Variants in ENPP3 observed in about 807,000 individuals in gnomAD.
ENPP3 encodes the protein ectonucleotide pyrophosphatase/phosphodiesterase family member 3.
Under a neutral mutation model 117.8 loss-of-function variants are expected in ENPP3, and 104 were observed. That is an observed-to-expected ratio of 0.88 (90% CI 0.75 to 1.04). ENPP3 has a LOEUF of 1.04. ENPP3 is among the 50% of genes least tolerant of loss of function. The probability of loss-of-function intolerance (pLI) is 0.00; values close to 1 mark genes in which losing one functional copy is unlikely to be tolerated. For missense variants in ENPP3, 1,026 were observed against 1,051.9 expected (o/e 0.98, Z 0.34); for synonymous variants, 380 against 349.9 (o/e 1.09, Z -0.96).
At chr6:131,672,099 C>T (rs1778755961) in intron 7 of ENPP3, among the ~76,000 whole-genome samples, 1 of 152,110 alleles carries the variant, frequency 6.6e-6, no homozygotes, top group Non-Finnish European at 1.5e-5. Flanking sequence ...TTATTTGTAA[C>T]CCCCAAATCA....
chr6:131,654,229 G>A (rs1031673604), intron 5 of ENPP3, among the ~76,000 whole-genome samples: 1 of 151,782 alleles, frequency 6.6e-6, no homozygotes, highest in African/African-American at 2.4e-5. Context: ...AAATTCCTGG[G>A]CTCAAGCTAT....
chr6:131,732,761 G>T (rs996397760), intron 20 of ENPP3, among the ~76,000 whole-genome samples: 1 of 139,250 alleles, frequency 7.2e-6, no homozygotes, highest in African/African-American at 2.7e-5. Flanking sequence ...TTTTCAGATG[G>T]AGTCTCACTC....
chr6:131,686,058 A>C, intron 14 of ENPP3, 151 bp downstream of exon 14: 5 of 461,472 alleles, frequency 1.1e-5, no homozygotes, highest in Non-Finnish European at 2.0e-5. Flanking sequence ...TATGCATATT[A>C]GTTGCTTTTA....
chr6:131,739,443 GAAT>G (rs1780475986), intron 23 of ENPP3, among the ~76,000 whole-genome samples: 3 of 152,240 alleles, frequency 2.0e-5, no homozygotes, highest in South Asian at 4.1e-4. Flanking sequence ...ATTAGAGGGT[GAAT>G]GAAAGTCCAA....
intron 19 of ENPP3, among the ~76,000 whole-genome samples, chr6:131,724,744 G>A (rs1343159539): frequency 6.6e-6 from 1 of 152,152 alleles, no homozygotes; most frequent in East Asian, 1.9e-4. Context: ...AATCTGCCAA[G>A]TGTTATTCCA....
chr6:131,741,417 A>G (rs1483659726), intron 24 of ENPP3, among the ~76,000 whole-genome samples: 1 of 152,208 alleles, frequency 6.6e-6, no homozygotes, highest in Non-Finnish European at 1.5e-5. Context: ...AAGAGGTTGC[A>G]AAGTTGGGAT....
At chr6:131,722,610 T>C (rs1780060728) in intron 18 of ENPP3, among the ~76,000 whole-genome samples, 1 of 152,204 alleles carries the variant, frequency 6.6e-6, no homozygotes, top group African/African-American at 2.4e-5. Context: ...AAATATGCTT[T>C]ATAAACTGGA....
chr6:131,716,612 C>G (rs1779892839), intron 15 of ENPP3, among the ~76,000 whole-genome samples: 1 of 148,270 alleles, frequency 6.7e-6, no homozygotes, highest in African/African-American at 2.5e-5. Context: ...CTAAATAATT[C>G]CATTAATATT....
intron 2 of ENPP3, among the ~76,000 whole-genome samples, chr6:131,647,714 A>T (rs1207419411): frequency 6.6e-6 from 1 of 152,192 alleles, no homozygotes; most frequent in African/African-American, 2.4e-5. Context: ...TTTCTAAAAG[A>T]TAAATTTTTT....
At chr6:131,739,593 C>CTTTTTTT (rs71270397) in intron 23 of ENPP3, among the ~76,000 whole-genome samples, 33 of 87,464 alleles carry the variant, frequency 3.8e-4, no homozygotes, top group African/African-American at 5.8e-4. Context: ...TCATGCTCTG[C>CTTTTTTT]TTTTTTTTTT....
At chr6:131,724,938 G>A (rs937082674) in intron 19 of ENPP3, among the ~76,000 whole-genome samples, 1 of 151,812 alleles carries the variant, frequency 6.6e-6, no homozygotes, top group African/African-American at 2.4e-5. Flanking sequence ...GCAGGGCATG[G>A]TGGCTCACAC....
At chr6:131,668,206 GTTTTTTTT>G (rs557047103) in intron 6 of ENPP3, among the ~76,000 whole-genome samples, 2 of 69,910 alleles carry the variant, frequency 2.9e-5, no homozygotes, top group East Asian at 5.2e-4. Context: ...CTCGCTCTGC[GTTTTTTTT>G]TTTTTTTTTT....
At chr6:131,645,520 T>C (rs1778136610) in intron 2 of ENPP3, among the ~76,000 whole-genome samples, 1 of 152,224 alleles carries the variant, frequency 6.6e-6, no homozygotes, top group African/African-American at 2.4e-5. Context: ...GATCCCATGA[T>C]TTTAAAATCT....
chr6:131,639,952 C>A (rs1034321546), intron 1 of ENPP3, among the ~76,000 whole-genome samples: 1 of 151,968 alleles, frequency 6.6e-6, no homozygotes, highest in African/African-American at 2.4e-5. Context: ...CATAGTGAGA[C>A]CTCCAACTCT....
At chr6:131,649,425 C>T (rs534640189) in intron 2 of ENPP3, among the ~76,000 whole-genome samples, 3 of 152,172 alleles carry the variant, frequency 2.0e-5, no homozygotes, top group Admixed American at 1.3e-4. Flanking sequence ...TCCAAACATG[C>T]CTTCCTTAGC....
intron 15 of ENPP3, among the ~76,000 whole-genome samples, chr6:131,694,416 G>A (rs1281585372): frequency 6.6e-6 from 1 of 152,050 alleles, no homozygotes; most frequent in African/African-American, 2.4e-5. Context: ...TCCTATTTTT[G>A]TATTTCATAC....
At chr6:131,703,767 GCTT>G (rs937511297) in intron 15 of ENPP3, among the ~76,000 whole-genome samples, 50 of 151,782 alleles carry the variant, frequency 3.3e-4, no homozygotes, top group African/African-American at 1.2e-3. Context: ...GAAGGATCTT[GCTT>G]CTTCAAGTGC....
At chr6:131,641,798 G>GGTTTTTTTTTTTTTTTTTTTTTTT (rs1778048065) in intron 2 of ENPP3, among the ~76,000 whole-genome samples, 1 of 88,384 alleles carries the variant, frequency 1.1e-5, no homozygotes, top group Non-Finnish European at 2.1e-5. Context: ...TCTCCACCCT[G>GGTTTTTTTTTTTTTTTTTTTTTTT]GTTTTTTTTT....
At chr6:131,658,808 A>C (rs1158124651) in intron 6 of ENPP3, among the ~76,000 whole-genome samples, 4 of 152,202 alleles carry the variant, frequency 2.6e-5, no homozygotes, top group Non-Finnish European at 4.4e-5. Context: ...AGACAGATCC[A>C]GCACCTCCCA....
Sources: gnomAD v4.1 joint callset for allele counts (sites outside exome capture counted in the v4.1 genomes callset) on GRCh38, gnomAD v4.1.1 for gene constraint, MANE v1.5 for transcripts, NCBI Gene and HGNC (gene_info 2026-07-23, HGNC 2026-07-21) for gene names.